The following ANKS1B variants were observed in gnomAD, a reference collection of about 807,000 sequenced individuals.
ANKS1B encodes the protein ankyrin repeat and sterile alpha motif domain-containing protein 1B.
ANKS1B carries 36 observed loss-of-function variants against 148.3 expected under a neutral mutation model. The observed-to-expected ratio is 0.24, with a 90% CI of 0.19 to 0.32. The LOEUF (loss-of-function observed/expected upper bound fraction) is 0.32, where lower values mean the gene tolerates loss of function less well. Among genes scored for constraint, ANKS1B ranks in the 10% least tolerant of loss-of-function variants. The pLI is 1.00. For missense variants in ANKS1B, 1,157 were observed against 1,542.6 expected (o/e 0.75, Z 4.19); for synonymous variants, 542 against 560.8 (o/e 0.97, Z 0.47).
intron 12 of ANKS1B, among the ~76,000 whole-genome samples, chr12:99,325,560 A>C (rs2086154123): frequency 6.7e-6 from 1 of 149,660 alleles, no homozygotes; most frequent in Admixed American, 6.6e-5. Flanking sequence ...CGAATGCCAT[A>C]GACATCTAAA....
chr12:98,839,933 G>A (rs938011149), intron 17 of ANKS1B, among the ~76,000 whole-genome samples: 7 of 151,654 alleles, frequency 4.6e-5, no homozygotes, highest in South Asian at 2.1e-4. Flanking sequence ...TTTTTTTTGC[G>A]TATGTGTCTT....
intron 16 of ANKS1B, among the ~76,000 whole-genome samples, chr12:99,074,375 A>G (rs2047178402): frequency 2.0e-5 from 3 of 151,970 alleles, no homozygotes; most frequent in Admixed American, 2.0e-4. Flanking sequence ...TAGCTTGGGA[A>G]GAATGTAGTA....
chr12:99,128,964 C>T (rs141918745), intron 15 of ANKS1B, among the ~76,000 whole-genome samples: 1 of 152,138 alleles, frequency 6.6e-6, no homozygotes, highest in Non-Finnish European at 1.5e-5. Flanking sequence ...TGGCCTATGT[C>T]TAATTCTACA....
intron 17 of ANKS1B, among the ~76,000 whole-genome samples, chr12:98,888,998 A>G (rs1345722827): frequency 6.6e-6 from 1 of 152,218 alleles, no homozygotes; most frequent in Non-Finnish European, 1.5e-5. Flanking sequence ...TTCTCCACTC[A>G]ATGGATACAC....
Position 99,772,976 on chromosome 12 carries a change from A to T in ANKS1B, c.1074T>A (p.Asp358Glu), listed in dbSNP as rs368517775. ...CTTCCTCTGAAATCTTGCTCAAATTATCTAAGTAGTGGTCTGATATTGTGT... is the reference window on the plus strand; with the variant it reads ...CTTCCTCTGAAATCTTGCTCAAATTTTCTAAGTAGTGGTCTGATATTGTGT... ...LCHTISDHYL[D>E]NLSKISEEEL... Residue 358 changes from aspartate to glutamate, a missense_variant, in exon 8 of 27, where the codon GAT becomes GAA. Physicochemically the swap from Asp to Glu is conservative, Grantham distance 45. Coordinates refer to ENST00000683438, the MANE Select transcript of ANKS1B (RefSeq NM_001352186.2). 6.8e-6 allele frequency: 11 copies of T among 1,612,370 alleles called. No individual in the cohort carries two copies. Among genetic ancestry groups the T allele is most frequent in the Non-Finnish European group, 9.3e-6 (11 of 1,178,996 alleles).
chr12:98,764,753 C>T (rs968444910), intron 25 of ANKS1B, among the ~76,000 whole-genome samples: 8 of 152,194 alleles, frequency 5.3e-5, no homozygotes, highest in African/African-American at 1.7e-4. Flanking sequence ...GCCTCCAAAC[C>T]GACCACGTGT....
chr12:99,863,998 G>A (rs1246790703), intron 1 of ANKS1B, among the ~76,000 whole-genome samples: 1 of 146,386 alleles, frequency 6.8e-6, no homozygotes, highest in Non-Finnish European at 1.5e-5. Context: ...GAACCAGGGA[G>A]TCAGAGGTTG....
intron 10 of ANKS1B, among the ~76,000 whole-genome samples, chr12:99,496,134 T>C (rs1325297192): frequency 6.6e-6 from 1 of 152,212 alleles, no homozygotes; most frequent in Non-Finnish European, 1.5e-5. Flanking sequence ...GGTGGTTTTG[T>C]AAATTGCTCA....
chr12:99,453,087 G>A (rs983036329), intron 10 of ANKS1B, among the ~76,000 whole-genome samples: 30 of 152,086 alleles, frequency 2.0e-4, no homozygotes, highest in Admixed American at 5.2e-4. Context: ...TCAGGAGATC[G>A]AGACCATCCT....
At position 99,246,719 on chromosome 12, in the gene ANKS1B, T is replaced by C. The variant is rs752268561; in HGVS notation, c.1902A>G (p.Lys634=). Residue 634 remains lysine (K), a synonymous_variant, in exon 13 of 27, where the codon AAA becomes AAG. Coordinates refer to ENST00000683438, the MANE Select transcript of ANKS1B (RefSeq NM_001352186.2). ...HLYGKREQCE[K]GQDEVSLANS... ...TTGCCAAACTGACTTCATCTTGTCC[T>C]TTTTCACATTGTTCTCTTTTCCCAT... is the stretch of plus-strand genomic sequence containing the variant. 4.2e-5 allele frequency: 67 copies of C among 1,613,836 alleles called. No homozygotes were observed. Among genetic ancestry groups the C allele is most frequent in the Non-Finnish European group, 5.3e-5 (62 of 1,179,870 alleles).
chr12:99,445,539 C>A (rs180694541), intron 10 of ANKS1B, among the ~76,000 whole-genome samples: 14 of 152,018 alleles, frequency 9.2e-5, no homozygotes, highest in Admixed American at 2.6e-4. Context: ...GTAGTTTCAT[C>A]AATTATAACA....
intron 12 of ANKS1B, among the ~76,000 whole-genome samples, chr12:99,356,693 T>A (rs966749626): frequency 6.6e-6 from 1 of 152,160 alleles, no homozygotes; most frequent in African/African-American, 2.4e-5. Flanking sequence ...CAATTTCCTA[T>A]CTTCCAGCAG....
At chr12:99,664,909 C>T (rs575810931) in intron 8 of ANKS1B, among the ~76,000 whole-genome samples, 1 of 152,278 alleles carries the variant, frequency 6.6e-6, no homozygotes, top group African/African-American at 2.4e-5. Context: ...ATTCACTCAG[C>T]CTAATGTTTT....
intron 14 of ANKS1B, among the ~76,000 whole-genome samples, chr12:99,239,214 A>G (rs2088708509): frequency 6.6e-6 from 1 of 152,250 alleles, no homozygotes; most frequent in Non-Finnish European, 1.5e-5. Context: ...GGTGTAAAGA[A>G]GACTTTAAAT....
chr12:99,107,205 T>A (rs1399069071), intron 15 of ANKS1B, among the ~76,000 whole-genome samples: 8 of 152,146 alleles, frequency 5.3e-5, no homozygotes, highest in Admixed American at 3.3e-4. Flanking sequence ...TAATATCTAA[T>A]GGACAGTGAC....
chr12:98,864,855 C>T (rs1393289126), intron 17 of ANKS1B, among the ~76,000 whole-genome samples: 1 of 152,190 alleles, frequency 6.6e-6, no homozygotes, highest in Non-Finnish European at 1.5e-5. Flanking sequence ...TCATCCTAAT[C>T]TCCATTCCCT....
chr12:98,839,774 T>A (rs539278638), intron 17 of ANKS1B, among the ~76,000 whole-genome samples: 4 of 152,258 alleles, frequency 2.6e-5, no homozygotes, highest in Non-Finnish European at 5.9e-5. Context: ...TTCATTAGAA[T>A]CTCACAAGGA....
intron 3 of ANKS1B, among the ~76,000 whole-genome samples, chr12:99,808,115 T>C (rs186638148): frequency 3.3e-5 from 5 of 152,206 alleles, no homozygotes; most frequent in African/African-American, 4.8e-5. Context: ...AGCTGGGAAT[T>C]AGTGATCTGA....
intron 12 of ANKS1B, among the ~76,000 whole-genome samples, chr12:99,329,975 T>G (rs2152268889): frequency 6.6e-6 from 1 of 152,060 alleles, no homozygotes; most frequent in East Asian, 1.9e-4. Context: ...GTCCTAAACT[T>G]GCATCTATTT....
Sources: gnomAD v4.1 joint callset for allele counts (sites outside exome capture counted in the v4.1 genomes callset) on GRCh38, gnomAD v4.1.1 for gene constraint, MANE v1.5 for transcripts, NCBI Gene and HGNC (gene_info 2026-07-23, HGNC 2026-07-21) for gene names.